RAP1GAP2: variants seen among roughly 807,000 people sequenced by gnomAD.
RAP1GAP2 encodes the protein rap1 GTPase-activating protein 2.
A neutral mutation model predicts 95.0 loss-of-function variants in RAP1GAP2; 27 were observed. That is an observed-to-expected ratio of 0.28 (90% confidence interval 0.21 to 0.39). The LOEUF (loss-of-function observed/expected upper bound fraction) is 0.39. RAP1GAP2 is among the 10% of genes least tolerant of loss of function. The pLI, the probability that RAP1GAP2 is intolerant of heterozygous loss-of-function variation, is 1.00. For synonymous variants in RAP1GAP2, 373 were observed against 380.9 expected (o/e 0.98, Z 0.24); for missense variants, 771 against 970.0 (o/e 0.79, Z 2.72).
intron 1 of RAP1GAP2, among the ~76,000 whole-genome samples, chr17:2,785,185 G>A (rs551815111): frequency 1.3e-5 from 2 of 152,272 alleles, no homozygotes; most frequent in African/African-American, 4.8e-5. Context: ...AGCCCAGCCT[G>A]GCAGTGTCTC....
chr17:2,786,951 T>G (rs1210455019), intron 1 of RAP1GAP2, among the ~76,000 whole-genome samples: 3 of 144,046 alleles, frequency 2.1e-5, no homozygotes, highest in Admixed American at 6.9e-5. Context: ...CCAGCCTTTT[T>G]TTTTTTTTTT....
chr17:2,967,135 A>G (rs559488468), intron 8 of RAP1GAP2, among the ~76,000 whole-genome samples: 27 of 152,210 alleles, frequency 1.8e-4, no homozygotes, highest in African/African-American at 3.4e-4. Flanking sequence ...TTGGGAGGTC[A>G]AGGCGGGTGG....
In RAP1GAP2 at chr17:2,872,444, G is replaced by A. The variant is rs373518226; in HGVS notation, c.81-32840G>A. Among the ~76,000 whole-genome samples, 554 of 151,940 alleles carry A rather than the reference G, an allele frequency of 3.6e-3. 4 individuals are homozygous for A. The highest frequency in any genetic ancestry group is 0.01 in the South Asian group (49 of 4,772). On this transcript the variant is annotated intron_variant, in intron 2 of 24. Transcript: ENST00000254695. ...TATAAGCTGCTTTGAAACAAAGACC[G>A]TTGGTTACAGAGGCTTATCTCAGGA...
chr17:2,943,575 G>T (rs983345857), intron 3 of RAP1GAP2, among the ~76,000 whole-genome samples: 19 of 152,092 alleles, frequency 1.2e-4, no homozygotes, highest in African/African-American at 4.3e-4. Flanking sequence ...TGAGGCAGGA[G>T]AATTGCTTGA....
chr17:2,857,522 G>C lies in RAP1GAP2; in HGVS notation c.81-47762G>C, dbSNP rs1232726227. Among the ~76,000 whole-genome samples, 4 of 152,222 alleles carry C rather than the reference G, an allele frequency of 2.6e-5. No homozygotes were observed. The highest frequency in any genetic ancestry group is 1.3e-4 in the Admixed American group (2 of 15,282). ...TTGGACTTGACCGTGCTCTACGGGA[G>C]CTGTGGGGCAGCCTGGAGGTTATGC... On this transcript the variant is annotated intron_variant, in intron 2 of 24. Transcript: ENST00000254695. The surrounding 1 kb of genome is among the most constrained non-coding windows in gnomAD (Gnocchi z 4.0).
At chr17:3,013,785 A>T (rs1171230538) in intron 17 of RAP1GAP2, among the ~76,000 whole-genome samples, 1 of 151,002 alleles carries the variant, frequency 6.6e-6, no homozygotes, top group Admixed American at 6.6e-5. Context: ...CTGGGTTTGG[A>T]TCCTGGCTCT....
intron 11 of RAP1GAP2, among the ~76,000 whole-genome samples, chr17:2,986,984 T>G (rs139934174): frequency 1.3e-5 from 2 of 152,228 alleles, no homozygotes; most frequent in Admixed American, 1.3e-4. Context: ...ATTGGCAAAC[T>G]TTTTTGGGTA....
intron 2 of RAP1GAP2, among the ~76,000 whole-genome samples, chr17:2,847,421 C>G (rs1236208605): frequency 6.6e-6 from 1 of 151,828 alleles, no homozygotes; most frequent in African/African-American, 2.4e-5. Flanking sequence ...TCTTGCTACC[C>G]AAAGCCCTAG....
chr17:2,763,704 A>G (rs1436253690), intron 1 of RAP1GAP2, among the ~76,000 whole-genome samples: 1 of 151,822 alleles, frequency 6.6e-6, no homozygotes, highest in Non-Finnish European at 1.5e-5. Flanking sequence ...TCAAAACAAA[A>G]AAAGAATAAA....
intron 18 of RAP1GAP2, among the ~76,000 whole-genome samples, chr17:3,019,787 CAT>C (rs1390851567): frequency 6.6e-6 from 1 of 152,192 alleles, no homozygotes; most frequent in Non-Finnish European, 1.5e-5. Flanking sequence ...GGTGCCATAA[CAT>C]GTGCATGGCA....
chr17:2,863,118 G>T (rs1419427776), intron 2 of RAP1GAP2, among the ~76,000 whole-genome samples: 3 of 151,932 alleles, frequency 2.0e-5, no homozygotes, highest in African/African-American at 7.3e-5. Context: ...GAACATGGCT[G>T]GTATTTCATA....
At chr17:2,832,213 AAAG>A (rs1198577085) in intron 2 of RAP1GAP2, among the ~76,000 whole-genome samples, 1 of 149,790 alleles carries the variant, frequency 6.7e-6, no homozygotes, top group Non-Finnish European at 1.5e-5. Flanking sequence ...CCAAAAAAAA[AAAG>A]AAAACAAAAA....
intron 1 of RAP1GAP2, 167 bp from the exon 2 acceptor site, chr17:2,800,348 C>A: frequency 1.3e-6 from 1 of 745,050 alleles, no homozygotes; most frequent in Non-Finnish European, 1.6e-6. Flanking sequence ...TCCCAGCACT[C>A]AGAGGCGTCT....
intron 3 of RAP1GAP2, among the ~76,000 whole-genome samples, chr17:2,953,745 G>A (rs1272246746): frequency 6.6e-6 from 1 of 152,128 alleles, no homozygotes; most frequent in Non-Finnish European, 1.5e-5. Context: ...TACTCCGGAG[G>A]CTGAGGCAGG....
rs2042131073 is a variant in RAP1GAP2 at position 2,904,532 on chromosome 17, G to GTGTGTGTA, written c.81-745_81-744insATGTGTGT. Among the ~76,000 whole-genome samples the GTGTGTGTA allele has an allele frequency of 7.0e-6, 1 of 142,000 alleles. No homozygotes were observed. Among genetic ancestry groups the GTGTGTGTA allele is most frequent in the Non-Finnish European group, 1.6e-5 (1 of 63,448 alleles). 93.2% of individuals were successfully genotyped at this position (142,000 alleles called of 152,430 possible). A position where few individuals can be genotyped will look rare whatever the true frequency, so the allele number is the denominator to read the frequency against. ...GAGGACAGCTTTTTGACCAGGGCCT[G>GTGTGTGTA]TGTGTGTGTGTGTGTGTGTGTGTGT... On this transcript the variant is annotated intron_variant, in intron 2 of 24. Transcript: ENST00000254695. The surrounding 1 kb of genome is among the most constrained non-coding windows in gnomAD (Gnocchi z 4.7).
chr17:3,011,813 C>A (rs147922908), intron 17 of RAP1GAP2, among the ~76,000 whole-genome samples: 143 of 151,862 alleles, frequency 9.4e-4, no homozygotes, highest in Admixed American at 2.4e-3. Flanking sequence ...GTAGGGACAC[C>A]ATCTTGGTCA....
intron 23 of RAP1GAP2, among the ~76,000 whole-genome samples, chr17:3,031,740 C>CCCA (rs1567920989): frequency 0.016 from 2,422 of 147,652 alleles, 133 homozygotes; most frequent in African/African-American, 0.056. Context: ...TCCTGGGTCC[C>CCCA]GAATCCCTTC....
chr17:2,934,875 A>G (rs779855554), intron 3 of RAP1GAP2, among the ~76,000 whole-genome samples: 1 of 152,230 alleles, frequency 6.6e-6, no homozygotes, highest in Non-Finnish European at 1.5e-5. Context: ...TTTAGAGGAA[A>G]GATCAGTCTT....
At chr17:3,025,583 C>T (rs921360001) in intron 19 of RAP1GAP2, among the ~76,000 whole-genome samples, 5 of 152,212 alleles carry the variant, frequency 3.3e-5, no homozygotes, top group African/African-American at 1.2e-4. Context: ...CCCCCCGGGA[C>T]TTCCCAGGAG....
Sources: allele counts gnomAD v4.1 joint callset (sites outside exome capture counted in the v4.1 genomes callset), GRCh38; gene constraint gnomAD v4.1.1; non-coding constraint Gnocchi (gnomAD v3.1); transcripts MANE v1.5; gene names NCBI Gene and HGNC (gene_info 2026-07-23, HGNC 2026-07-21).